The following DISC1 variants were observed in gnomAD, a reference collection of about 807,000 sequenced individuals.
DISC1 encodes the protein disrupted in schizophrenia 1 protein.
Under a neutral mutation model 84.5 loss-of-function variants are expected in DISC1, and 57 were observed. The observed-to-expected ratio is 0.67, with a 90% CI of 0.55 to 0.84. The LOEUF is 0.84. DISC1 is among the 40% of genes least tolerant of loss of function. The pLI is 0.00. For synonymous variants in DISC1, 411 were observed against 415.2 expected, an observed-to-expected ratio of 0.99 and a Z score of 0.12; for missense variants, 1,000 against 1,057.8, an observed-to-expected ratio of 0.95 and a Z score of 0.76.
intron 11 of DISC1, among the ~76,000 whole-genome samples, chr1:232,018,569 C>A (rs1267203762): frequency 6.6e-6 from 1 of 152,222 alleles, no homozygotes; most frequent in African/African-American, 2.4e-5. Context: ...TTAAATCATG[C>A]TCCCTGAGTT....
At chr1:232,013,718 T>G (rs1231351985) in intron 11 of DISC1, among the ~76,000 whole-genome samples, 2 of 152,208 alleles carry the variant, frequency 1.3e-5, no homozygotes, top group Non-Finnish European at 1.5e-5. Flanking sequence ...AAGCCCTGTC[T>G]GTTCAGATTC....
chr1:231,782,812 C>T (rs185934526), intron 6 of DISC1, among the ~76,000 whole-genome samples: 15 of 151,904 alleles, frequency 9.9e-5, no homozygotes, highest in African/African-American at 2.7e-4. Flanking sequence ...TGTGGTGGCA[C>T]GTCTGTGTAG....
intron 9 of DISC1, among the ~76,000 whole-genome samples, chr1:231,879,715 G>A (rs989155046): frequency 6.6e-6 from 1 of 152,034 alleles, no homozygotes; most frequent in Non-Finnish European, 1.5e-5. Flanking sequence ...TGACAAGAAT[G>A]ACCCTGTTCA....
At chr1:231,713,977 G>A (rs1453120793) in intron 3 of DISC1, among the ~76,000 whole-genome samples, 2 of 151,374 alleles carry the variant, frequency 1.3e-5, no homozygotes, top group Non-Finnish European at 2.9e-5. Flanking sequence ...ATCTCTATTT[G>A]CGATTGACAT....
chr1:232,027,296 A>C (rs1430194585), intron 12 of DISC1, among the ~76,000 whole-genome samples: 1 of 152,248 alleles, frequency 6.6e-6, no homozygotes, highest in African/African-American at 2.4e-5. Context: ...GTAACAAAGC[A>C]AACAGGACTT....
At chr1:232,035,220 C>G (rs565703588) in intron 12 of DISC1, among the ~76,000 whole-genome samples, 2 of 152,258 alleles carry the variant, frequency 1.3e-5, no homozygotes, top group East Asian at 3.9e-4. Flanking sequence ...GAGGCCAAGG[C>G]AGGCAGACTG....
chr1:231,924,935 C>T (rs1357459723), intron 9 of DISC1, among the ~76,000 whole-genome samples: 1 of 149,990 alleles, frequency 6.7e-6, no homozygotes, highest in African/African-American at 2.5e-5. Context: ...GGATTACAGG[C>T]GTGAGTCACT....
intron 9 of DISC1, among the ~76,000 whole-genome samples, chr1:231,911,475 C>G (rs2089198766): frequency 6.6e-6 from 1 of 152,150 alleles, no homozygotes; most frequent in African/African-American, 2.4e-5. Flanking sequence ...GTTGAAAATT[C>G]TTTTCTTTAA....
intron 9 of DISC1, among the ~76,000 whole-genome samples, chr1:231,928,749 A>G (rs985774940): frequency 2.0e-5 from 3 of 152,092 alleles, no homozygotes; most frequent in African/African-American, 4.8e-5. Context: ...GGATTCTACA[A>G]TGTTGTGACT....
chr1:231,959,699 G>T (rs773928078), intron 10 of DISC1, among the ~76,000 whole-genome samples: 10 of 152,192 alleles, frequency 6.6e-5, no homozygotes, highest in Admixed American at 3.3e-4. Flanking sequence ...GGTAAGCAAG[G>T]CACTACAGGA....
intron 9 of DISC1, among the ~76,000 whole-genome samples, chr1:231,934,222 C>T (rs2090845091): frequency 6.6e-6 from 1 of 152,204 alleles, no homozygotes; most frequent in African/African-American, 2.4e-5. Context: ...TCAGGGTCGC[C>T]ATCTCTGTCT....
At chr1:231,727,066 A>G (rs2070819724) in intron 3 of DISC1, among the ~76,000 whole-genome samples, 1 of 152,112 alleles carries the variant, frequency 6.6e-6, no homozygotes, top group Non-Finnish European at 1.5e-5. Flanking sequence ...TTCTTAAAAC[A>G]CCAGCTCATC....
chr1:231,913,872 C>A (rs565372053), intron 9 of DISC1, among the ~76,000 whole-genome samples: 1 of 152,218 alleles, frequency 6.6e-6, no homozygotes, highest in Non-Finnish European at 1.5e-5. Context: ...TGTCCATCTC[C>A]TCTCCTCAGC....
Position 231,959,163 on chromosome 1 carries a change from A to G in DISC1, c.2042+275A>G, listed in dbSNP as rs535776228. On this transcript the variant is annotated intron_variant, in intron 10 of 12. Coordinates refer to ENST00000439617, the MANE Select transcript of DISC1 (RefSeq NM_018662.3). ...CCATAAGAGAAGAATCTTCTTTACT[A>G]TATTAAATTCAGAATTCATTCCTTA... 4.5e-6 allele frequency: 5 copies of G among 1,105,130 alleles called. No homozygotes were observed. In the African/African-American group the frequency reaches 6.6e-5, roughly 15 times the overall value. The allele number at this position is 1,105,130 out of a possible 1,614,324, so 68.5% of individuals were successfully genotyped here.
intron 8 of DISC1, among the ~76,000 whole-genome samples, chr1:231,808,685 G>A (rs1275645869): frequency 6.6e-6 from 1 of 152,178 alleles, no homozygotes; most frequent in Non-Finnish European, 1.5e-5. Context: ...TGTGACCAGG[G>A]GCTCCTCGCC....
At position 231,992,968 on chromosome 1, in the gene DISC1, G is replaced by A. The variant is rs145475282; in HGVS notation, c.2043-15817G>A. Among the ~76,000 whole-genome samples, 61 of 152,228 alleles carry A rather than the reference G, an allele frequency of 4.0e-4. No homozygotes were observed. In the East Asian group the frequency reaches 8.5e-3, roughly 21 times the overall value. On this transcript the variant is annotated intron_variant, in intron 10 of 12. Transcript: ENST00000439617. ...TTAATTACATACAGTAGAAGAGGGC[G>A]TCTGTAGACAAAACCCAGAGATCAA...
At chr1:231,854,718 C>CT (rs11331915) in intron 9 of DISC1, 169 of 123,928 alleles carry the variant, frequency 1.4e-3, no homozygotes, top group Admixed American at 3.9e-3. Flanking sequence ...TAAAATAATT[C>CT]TTTTTTTTTT....
intron 1 of DISC1, among the ~76,000 whole-genome samples, chr1:231,670,055 G>T (rs1051325629): frequency 6.6e-6 from 1 of 151,968 alleles, no homozygotes; most frequent in Non-Finnish European, 1.5e-5. Flanking sequence ...AAAAGAATGC[G>T]ATAGGGACCT....
intron 4 of DISC1, among the ~76,000 whole-genome samples, chr1:231,753,127 C>T (rs944246001): frequency 3.3e-5 from 5 of 152,208 alleles, no homozygotes; most frequent in Non-Finnish European, 5.9e-5. Context: ...ATGGTGGCCC[C>T]CTTCTCACAG....
Sources: allele counts gnomAD v4.1 joint callset (sites outside exome capture counted in the v4.1 genomes callset), GRCh38; gene constraint gnomAD v4.1.1; transcripts MANE v1.5; gene names NCBI Gene and HGNC (gene_info 2026-07-23, HGNC 2026-07-21).